Variants in ZFYVE9 observed in about 807,000 individuals in gnomAD.
ZFYVE9 encodes zinc finger FYVE domain-containing protein 9.
Under a neutral mutation model 126.7 loss-of-function variants are expected in ZFYVE9, and 43 were observed. The ratio of observed to expected loss-of-function variants is 0.34; its 90% CI spans 0.27 to 0.44. ZFYVE9 has a LOEUF of 0.44. Ranked by LOEUF, ZFYVE9 falls within the 20% of genes least tolerant of loss-of-function variation. The probability of loss-of-function intolerance (pLI) is 1.00; values close to 1 mark genes in which losing one functional copy is unlikely to be tolerated. For missense variants in ZFYVE9, 1,476 were observed against 1,697.0 expected, an observed-to-expected ratio of 0.87 and a Z score of 2.29; for synonymous variants, 521 against 597.4, an observed-to-expected ratio of 0.87 and a Z score of 1.87.
intron 2 of ZFYVE9, among the ~76,000 whole-genome samples, chr1:52,222,887 G>C (rs1164813489): frequency 1.3e-5 from 2 of 152,194 alleles, no homozygotes. Context: ...ATTAGTTCCT[G>C]CTTTGGGAAT....
intron 1 of ZFYVE9, among the ~76,000 whole-genome samples, chr1:52,192,904 TTAAG>T (rs765519577): frequency 2.0e-5 from 3 of 152,156 alleles, no homozygotes; most frequent in Non-Finnish European, 4.4e-5. Flanking sequence ...AATAGCAAAT[TTAAG>T]TAATAAGAAA....
intron 16 of ZFYVE9, 22 bp downstream of exon 16, chr1:52,337,956 CT>C: frequency 6.2e-7 from 1 of 1,608,342 alleles, no homozygotes. Flanking sequence ...ACATGTCCCC[CT>C]TTGTGGCTTT....
chr1:52,272,401 C>T (rs1273376939), intron 7 of ZFYVE9, among the ~76,000 whole-genome samples: 1 of 152,150 alleles, frequency 6.6e-6, no homozygotes, highest in African/African-American at 2.4e-5. Context: ...TCAAGGTAAC[C>T]ATTGTTCTCA....
intron 3 of ZFYVE9, among the ~76,000 whole-genome samples, chr1:52,234,167 C>G (rs1645251052): frequency 6.6e-6 from 1 of 152,164 alleles, no homozygotes; most frequent in African/African-American, 2.4e-5. Context: ...AAATTTCTTC[C>G]TCCTCACCGT....
At chr1:52,334,245 C>CT (rs1557525168) in intron 14 of ZFYVE9, among the ~76,000 whole-genome samples, 1 of 152,166 alleles carries the variant, frequency 6.6e-6, no homozygotes, top group African/African-American at 2.4e-5. Context: ...ATATTTTAGA[C>CT]TTTGCAAGCT....
chr1:52,272,325 C>A (rs1190074002), intron 7 of ZFYVE9, among the ~76,000 whole-genome samples: 1 of 152,186 alleles, frequency 6.6e-6, no homozygotes, highest in Admixed American at 6.5e-5. Context: ...GGTGAAGATA[C>A]AGAACATCTC....
chr1:52,303,471 C>T (rs1292768511), intron 12 of ZFYVE9, among the ~76,000 whole-genome samples: 2 of 152,100 alleles, frequency 1.3e-5, no homozygotes, highest in Non-Finnish European at 2.9e-5. Flanking sequence ...ATAGCAAGAA[C>T]AACACAACTG....
At chr1:52,172,498 C>T in intron 1 of ZFYVE9, among the ~76,000 whole-genome samples, 1 of 152,012 alleles carries the variant, frequency 6.6e-6, no homozygotes, top group East Asian at 1.9e-4. Flanking sequence ...TTTTTTGGTT[C>T]CTTATGAACT....
At position 52,296,152 on chromosome 1, in the gene ZFYVE9, CAT is replaced by C. The variant is rs201408608; in HGVS notation, c.3333+179_3333+180del. Among the ~76,000 whole-genome samples the C allele has an allele frequency of 8.8e-3, 1,330 of 151,332 alleles. 10 individuals are homozygous for C. The highest frequency in any genetic ancestry group is 0.017 in the Middle Eastern group (5 of 294). ...GTATATATATATATACACACACACACATATACATATATATTCATATGTATACA... is the reference window on the plus strand; with the variant it reads ...GTATATATATATATACACACACACACATACATATATATTCATATGTATACA... On this transcript the variant is annotated intron_variant, in intron 12 of 18. Coordinates refer to ENST00000287727, the MANE Select transcript of ZFYVE9 (RefSeq NM_004799.4).
At chr1:52,267,737 G>A (rs1203008712) in intron 6 of ZFYVE9, among the ~76,000 whole-genome samples, 1 of 151,766 alleles carries the variant, frequency 6.6e-6, no homozygotes, top group Non-Finnish European at 1.5e-5. Flanking sequence ...TTCATTTGTT[G>A]TTTTTGTTGT....
chr1:52,342,124 C>T (rs1237211373), intron 17 of ZFYVE9, among the ~76,000 whole-genome samples: 2 of 152,196 alleles, frequency 1.3e-5, no homozygotes, highest in African/African-American at 4.8e-5. Flanking sequence ...TTCATGCCAC[C>T]ACTCTCCAGT....
At chr1:52,160,151 G>A in intron 1 of ZFYVE9, 3 of 625,380 alleles carry the variant, frequency 4.8e-6, no homozygotes, top group Non-Finnish European at 8.7e-6. Flanking sequence ...ACTATTCTCT[G>A]GAGTAGCTGT....
At chr1:52,257,566 C>T (rs1645534030) in intron 4 of ZFYVE9, among the ~76,000 whole-genome samples, 1 of 152,116 alleles carries the variant, frequency 6.6e-6, no homozygotes, top group African/African-American at 2.4e-5. Flanking sequence ...CAGCTGTAAC[C>T]ATTAGGCATA....
intron 6 of ZFYVE9, among the ~76,000 whole-genome samples, chr1:52,267,717 C>A (rs1645647494): frequency 6.6e-6 from 1 of 152,058 alleles, no homozygotes. Flanking sequence ...TTCTTAAAAT[C>A]TTTATTCTCT....
In ZFYVE9 at chr1:52,278,373, CCTATTGATAAAT is replaced by C. The variant is rs1645768520; in HGVS notation, c.2747-117_2747-106del. 3.1e-6 allele frequency: 4 copies of C among 1,303,344 alleles called. No homozygotes were observed. The South Asian group carries it at 4.9e-5, about 16-fold the overall frequency. 80.7% of individuals were successfully genotyped at this position (1,303,344 alleles called of 1,614,324 possible). On this transcript the variant is annotated intron_variant, in intron 8 of 18. Coordinates refer to ENST00000287727, the MANE Select transcript of ZFYVE9 (RefSeq NM_004799.4). The stretch of plus-strand genomic sequence containing the variant: ...AGATACAAACCATGCTCTGTATGCA[CCTATTGATAAAT>C]CAAATGCATGTCTCTTTTCTGTGAA...
intron 7 of ZFYVE9, among the ~76,000 whole-genome samples, chr1:52,269,221 C>T (rs761453093): frequency 6.6e-6 from 1 of 152,000 alleles, no homozygotes; most frequent in Non-Finnish European, 1.5e-5. Context: ...CCTCTACCTC[C>T]CAGGTTCAAG....
Position 52,142,132 on chromosome 1 carries a change from C to G in ZFYVE9, c.-414C>G, listed in dbSNP as rs1644262418. 6.6e-6 allele frequency: 1 copy of G among 151,438 alleles called. No individual in the cohort carries two copies. The highest frequency in any genetic ancestry group is 1.9e-4 in the East Asian group (1 of 5,158). 9.4% of individuals were successfully genotyped at this position (151,438 alleles called of 1,614,324 possible). A position where few individuals can be genotyped will look rare whatever the true frequency, so the allele number is the denominator to read the frequency against. On this transcript the variant is annotated 5_prime_UTR_variant, in exon 1 of 19. Coordinates refer to ENST00000287727, the MANE Select transcript of ZFYVE9 (RefSeq NM_004799.4). This position sits in a 1 kb window ranked among gnomAD's most constrained non-coding sequence, Gnocchi z 4.5. ...CGCTGAGGATCCCCGCCTGCCGCACCTCGGTCGTCCCGCCGCAGCCTTGCG... is the reference window on the plus strand; with the variant it reads ...CGCTGAGGATCCCCGCCTGCCGCACGTCGGTCGTCCCGCCGCAGCCTTGCG...
intron 1 of ZFYVE9, among the ~76,000 whole-genome samples, chr1:52,207,493 C>A (rs193154378): frequency 2.6e-5 from 4 of 152,298 alleles, no homozygotes; most frequent in Admixed American, 6.5e-5. Context: ...GGGGAAGCAA[C>A]AATGTCAGCT....
chr1:52,241,397 G>C (rs921133004), intron 4 of ZFYVE9, among the ~76,000 whole-genome samples: 5 of 152,136 alleles, frequency 3.3e-5, no homozygotes, highest in Non-Finnish European at 5.9e-5. Context: ...TCTTCTTCTT[G>C]TTAGCTGAAG....
Sources: gnomAD v4.1 joint callset for allele counts (sites outside exome capture counted in the v4.1 genomes callset) on GRCh38, gnomAD v4.1.1 for gene constraint, Gnocchi (gnomAD v3.1) non-coding constraint, MANE v1.5 for transcripts, NCBI Gene and HGNC (gene_info 2026-07-23, HGNC 2026-07-21) for gene names.